TNN: variants seen among roughly 807,000 people sequenced by gnomAD.
The protein encoded by TNN is tenascin N, also known as tenascin-N.
TNN carries 122 observed loss-of-function variants against 134.4 expected under a neutral mutation model. That is an observed-to-expected ratio of 0.91 (90% confidence interval 0.78 to 1.06). TNN has a LOEUF of 1.06. TNN is among the 50% of genes least tolerant of loss of function. The probability of loss-of-function intolerance (pLI) is 0.00; values close to 1 mark genes in which losing one functional copy is unlikely to be tolerated. For missense variants in TNN, 1,739 were observed against 1,699.4 expected (o/e 1.02, Z -0.41); for synonymous variants, 710 against 670.3 (o/e 1.06, Z -0.91).
At chr1:175,118,877 A>T in intron 11 of TNN, 53 bp downstream of exon 11, 2 of 1,602,596 alleles carry the variant, frequency 1.2e-6, no homozygotes, top group Non-Finnish European at 1.7e-6. Flanking sequence ...AGGTTGATCT[A>T]TTGCAGCTGA....
chr1:175,122,952 C>G (rs1375067098), intron 11 of TNN, among the ~76,000 whole-genome samples: 3 of 152,284 alleles, frequency 2.0e-5, no homozygotes, highest in Admixed American at 1.3e-4. Context: ...AAGATGTCAA[C>G]AGGAACTTGG....
chr1:175,094,289 A>G, intron 7 of TNN, 36 bp downstream of exon 7: 1 of 1,494,204 alleles, frequency 6.7e-7, no homozygotes, highest in Non-Finnish European at 9.0e-7. Flanking sequence ...AGGTTTCCTC[A>G]TGGCAGGGAG....
At chr1:175,072,581 T>A (rs1400955960) in intron 1 of TNN, among the ~76,000 whole-genome samples, 4 of 152,148 alleles carry the variant, frequency 2.6e-5, no homozygotes, top group Non-Finnish European at 5.9e-5. Flanking sequence ...AAGTCATCCT[T>A]CCCTTCTGCT....
At chr1:175,102,670 A>G (rs1030128054) in intron 9 of TNN, among the ~76,000 whole-genome samples, 2 of 144,768 alleles carry the variant, frequency 1.4e-5, no homozygotes, top group Non-Finnish European at 3.1e-5. Flanking sequence ...CCTGGTTCCC[A>G]CTCGCGCCTC....
intron 1 of TNN, among the ~76,000 whole-genome samples, chr1:175,068,704 C>T (rs964418470): frequency 5.9e-5 from 9 of 151,970 alleles, no homozygotes; most frequent in Non-Finnish European, 1.0e-4. Flanking sequence ...GTCGAGAGTT[C>T]GAGACCAGCC....
intron 17 of TNN, among the ~76,000 whole-genome samples, chr1:175,140,567 G>C (rs1002590724): frequency 2.0e-5 from 3 of 152,224 alleles, no homozygotes; most frequent in African/African-American, 7.2e-5. Context: ...GACTGAAAGG[G>C]AGTCAACATG....
intron 6 of TNN, among the ~76,000 whole-genome samples, chr1:175,089,676 G>A (rs944356274): frequency 6.6e-5 from 10 of 152,158 alleles, no homozygotes; most frequent in Non-Finnish European, 1.0e-4. Context: ...ATAGCTTCAT[G>A]CTTTTCCCTG....
intron 3 of TNN, 60 bp downstream of exon 3, chr1:175,079,767 C>T (rs1412260395): frequency 8.6e-6 from 13 of 1,512,638 alleles, no homozygotes; most frequent in South Asian, 1.3e-5. Flanking sequence ...ACCATTTAAC[C>T]CTCAATTACA....
chr1:175,079,625 C>G lies in TNN; in HGVS notation c.702C>G (p.Pro234=). Residue 234 remains proline (P), a synonymous_variant, in exon 3 of 19, where the codon CCC becomes CCG. Transcript: ENST00000239462. ...AGGACTGCAGCGAGAAGCGCTGTCC[C>G]GGCGACTGCAGCGGCCACGGCTTCT... ...MSEDCSEKRC[P]GDCSGHGFCD... The G allele has an allele frequency of 6.2e-7, 1 of 1,604,148 alleles. No homozygotes were observed. Among genetic ancestry groups the G allele is most frequent in the African/African-American group, 1.3e-5 (1 of 74,870 alleles).
intron 6 of TNN, among the ~76,000 whole-genome samples, chr1:175,085,762 T>G (rs1674310612): frequency 1.3e-5 from 2 of 151,268 alleles, no homozygotes; most frequent in Admixed American, 1.3e-4. Context: ...TAATCCCAGC[T>G]ACTCGGGAGA....
At chr1:175,071,016 T>C (rs1673902820) in intron 1 of TNN, among the ~76,000 whole-genome samples, 1 of 152,196 alleles carries the variant, frequency 6.6e-6, no homozygotes, top group African/African-American at 2.4e-5. Flanking sequence ...CTCCCTCATT[T>C]TCCTTCATAG....
Position 175,136,506 on chromosome 1 carries a change from C to CCTG in TNN, c.3428-312_3428-310dup, listed in dbSNP as rs1236193161. On this transcript the variant is annotated intron_variant, in intron 16 of 18. Coordinates refer to ENST00000239462, the MANE Select transcript of TNN (RefSeq NM_022093.2). The stretch of plus-strand genomic sequence containing the variant: ...TGGGGATCTTAGGATGAGTCGTTGA[C>CCTG]CTGCTCTCCTACTTGGTGAGATAAA... Among the ~76,000 whole-genome samples, 21 of 152,252 alleles carry CCTG rather than the reference C, an allele frequency of 1.4e-4. No homozygotes were observed. In the East Asian group the frequency reaches 3.9e-3, roughly 28 times the overall value.
chr1:175,134,559 C>CA (rs1045882195), intron 15 of TNN, among the ~76,000 whole-genome samples: 3 of 143,652 alleles, frequency 2.1e-5, no homozygotes, highest in African/African-American at 5.2e-5. Flanking sequence ...AACAAACAAA[C>CA]AACAACAACA....
In TNN at chr1:175,098,589, C is replaced by G; in HGVS notation, c.2113C>G (p.Gln705Glu). 6.2e-7 allele frequency: 1 copy of G among 1,614,066 alleles called. No homozygotes were observed. Among genetic ancestry groups the G allele is most frequent in the Non-Finnish European group, 8.5e-7 (1 of 1,179,956 alleles). Residue 705 changes from glutamine to glutamate, a missense_variant, in exon 9 of 19, where the codon CAG becomes GAG. By Grantham distance (29) the Gln-to-Glu change is conservative (BLOSUM62 2). Transcript: ENST00000239462. ...QESKKADTKAQTDIDSPQNLV... is the reference protein window; with the variant it reads ...QESKKADTKAETDIDSPQNLV... ...GAGCAAGAAGGCCGACACCAAGGCC[C>G]AGACAGGTAAGGAGTGTGCATTATT... is the stretch of plus-strand genomic sequence containing the variant.
intron 1 of TNN, among the ~76,000 whole-genome samples, chr1:175,070,126 AG>A: frequency 6.6e-6 from 1 of 152,312 alleles, no homozygotes. Flanking sequence ...GTCCCACAAA[AG>A]CTAAAGGAAG....
At chr1:175,111,492 A>AAAC in intron 9 of TNN, among the ~76,000 whole-genome samples, 1 of 140,908 alleles carries the variant, frequency 7.1e-6, no homozygotes, top group East Asian at 1.9e-4. Context: ...GTCTCAAAAA[A>AAAC]AAAAAAAAAA....
rs541673438 is a variant in TNN, at chr1:175,085,393, G to A, written c.1235-12G>A. ...CCTGCACTCACATCCTGCGCTGCCT[G>A]CTTGTTTCCAGGTCTGCACCCGGGG... On this transcript the variant is annotated splice_polypyrimidine_tract_variant and intron_variant, in intron 5 of 18. Transcript: ENST00000239462. 13 of 1,586,796 alleles carry A rather than the reference G, an allele frequency of 8.2e-6. 1 individual carries two copies. The Admixed American group carries it at 1.2e-4, about 14-fold the overall frequency.
Position 175,128,178 on chromosome 1 carries a change from C to G in TNN, c.3178+14C>G. ...CCCTCTCCACAGGTAATATGGAATC[C>G]TGTACTCTGAACGACCGTGCAATGA... On this transcript the variant is annotated intron_variant, in intron 14 of 18. Transcript: ENST00000239462. 6.3e-7 allele frequency: 1 copy of G among 1,581,648 alleles called. No homozygotes were observed. The highest frequency in any genetic ancestry group is 8.6e-7 in the Non-Finnish European group (1 of 1,164,444).
At chr1:175,134,047 C>T (rs1361905318) in intron 15 of TNN, among the ~76,000 whole-genome samples, 1 of 152,198 alleles carries the variant, frequency 6.6e-6, no homozygotes, top group Non-Finnish European at 1.5e-5. Context: ...TGGACATCCT[C>T]CTCCTGTGTT....
Sources: allele counts gnomAD v4.1 joint callset (sites outside exome capture counted in the v4.1 genomes callset), GRCh38; gene constraint gnomAD v4.1.1; transcripts MANE v1.5; gene names NCBI Gene and HGNC (gene_info 2026-07-23, HGNC 2026-07-21).